The following DMD variants were observed in gnomAD, a reference collection of about 807,000 sequenced individuals.
The protein encoded by DMD is dystrophin, also known as mutant dystrophin.
DMD carries 63 observed loss-of-function variants against 330.1 expected under a neutral mutation model. The observed-to-expected ratio is 0.19, with a 90% CI of 0.16 to 0.24. The LOEUF (loss-of-function observed/expected upper bound fraction) is 0.24. DMD is among the 10% of genes least tolerant of loss of function. DMD has a pLI of 1.00. For synonymous variants in DMD, 1,223 were observed against 959.8 expected (o/e 1.27, Z -5.07); for missense variants, 3,344 against 2,684.1 (o/e 1.25, Z -5.43).
chrX:31,600,738 C>A (rs1043412618), intron 55 of DMD, among the ~76,000 whole-genome samples: 8 of 108,204 alleles, frequency 7.4e-5, no homozygotes, highest in African/African-American at 2.7e-4. Flanking sequence ...AGTATCATTT[C>A]GAGGCAAATT....
intron 1 of DMD, among the ~76,000 whole-genome samples, chrX:33,143,746 C>A (rs762591594): frequency 9.0e-6 from 1 of 111,595 alleles, no homozygotes; most frequent in East Asian, 2.8e-4. Context: ...GAAAATTAAC[C>A]GAATGATATT....
chrX:32,685,379 T>C (rs928704729), intron 9 of DMD, among the ~76,000 whole-genome samples: 5 of 111,800 alleles, frequency 4.5e-5, no homozygotes, highest in African/African-American at 1.3e-4. Context: ...AAGCAGATAA[T>C]TGCCACTGGA....
At chrX:31,834,574 G>C (rs2093151123) in intron 49 of DMD, among the ~76,000 whole-genome samples, 1 of 111,330 alleles carries the variant, frequency 9.0e-6, no homozygotes, top group Non-Finnish European at 1.9e-5. Context: ...CAAGTAGCTG[G>C]GATTACAGGC....
At chrX:32,149,625 G>A (rs956058066) in intron 44 of DMD, among the ~76,000 whole-genome samples, 1 of 111,762 alleles carries the variant, frequency 8.9e-6, no homozygotes, top group African/African-American at 3.3e-5. Flanking sequence ...AGAATGTGTT[G>A]TAATGGAGTC....
chrX:33,253,561 G>A (rs1475979388), intron 1 of DMD, among the ~76,000 whole-genome samples: 1 of 111,410 alleles, frequency 9.0e-6, no homozygotes, highest in Non-Finnish European at 1.9e-5. Context: ...TGTAGACTGT[G>A]GAGATATTGA....
intron 45 of DMD, 54 bp from the exon 46 acceptor site, chrX:31,932,281 T>C: frequency 1.0e-6 from 1 of 964,561 alleles, no homozygotes; most frequent in South Asian, 2.1e-5. Context: ...GTTCTCAAAC[T>C]ATTTGTTAAT....
In DMD at chrX:32,820,907, A is replaced by T. The variant is rs148938453; in HGVS notation, c.357+2388T>A. Among the ~76,000 whole-genome samples, 658 of 111,676 alleles carry T rather than the reference A, an allele frequency of 5.9e-3. 6 individuals carry two copies. The highest frequency in any genetic ancestry group is 0.02 in the African/African-American group (608 of 30,750). On this transcript the variant is annotated intron_variant, in intron 5 of 78. Transcript: ENST00000357033. ...TTGGTTTTATTCTATCTTACATACA[A>T]TGGATTAGGGGAAAAGTGTTCCTTC...
At chrX:31,405,040 C>T (rs1442706925) in intron 60 of DMD, among the ~76,000 whole-genome samples, 1 of 111,664 alleles carries the variant, frequency 9.0e-6, no homozygotes, top group African/African-American at 3.2e-5. Context: ...GCTGAAGACT[C>T]TCGGCACTAT....
intron 53 of DMD, among the ~76,000 whole-genome samples, chrX:31,674,793 A>G (rs765236490): frequency 7.1e-5 from 8 of 112,674 alleles, no homozygotes; most frequent in Admixed American, 6.6e-4. Context: ...CCAATCTTAA[A>G]AGCCTAGGGA....
At chrX:32,007,214 T>TATAATAATA (rs200080398) in intron 44 of DMD, among the ~76,000 whole-genome samples, 59 of 94,440 alleles carry the variant, frequency 6.2e-4, no homozygotes, top group African/African-American at 1.8e-3. Context: ...AAACTTAAAG[T>TATAATAATA]ATAATAATAA....
chrX:32,946,144 G>A (rs2146872683), intron 2 of DMD, among the ~76,000 whole-genome samples: 1 of 111,122 alleles, frequency 9.0e-6, no homozygotes, highest in Admixed American at 9.6e-5. Flanking sequence ...CTTTTTAAAG[G>A]TTTCTTACAG....
intron 74 of DMD, among the ~76,000 whole-genome samples, chrX:31,164,305 C>T (rs1184637225): frequency 3.6e-5 from 4 of 111,036 alleles, no homozygotes. Context: ...CTCAGACTGT[C>T]AGACATTTAC....
chrX:33,068,453 T>C (rs1385302986), intron 1 of DMD, among the ~76,000 whole-genome samples: 1 of 112,532 alleles, frequency 8.9e-6, no homozygotes, highest in African/African-American at 3.2e-5. Flanking sequence ...GAATCATTTT[T>C]ATATAGGTAA....
chrX:32,908,593 A>T (rs1346028870), intron 2 of DMD, among the ~76,000 whole-genome samples: 2 of 111,916 alleles, frequency 1.8e-5, no homozygotes, highest in Non-Finnish European at 3.8e-5. Flanking sequence ...ATGAGACTTT[A>T]GATCTAAGCA....
intron 60 of DMD, among the ~76,000 whole-genome samples, chrX:31,371,642 G>A (rs182300463): frequency 7.5e-4 from 83 of 111,195 alleles, no homozygotes; most frequent in African/African-American, 2.4e-3. Flanking sequence ...TGGATTGAGG[G>A]AATCCTTCCA....
intron 62 of DMD, among the ~76,000 whole-genome samples, chrX:31,300,533 C>G (rs781071951): frequency 2.8e-4 from 31 of 111,916 alleles, no homozygotes; most frequent in Non-Finnish European, 5.8e-4. Flanking sequence ...CAGCTGACAT[C>G]TGCCGTCAAA....
chrX:31,537,829 G>A (rs1450562732), intron 55 of DMD, among the ~76,000 whole-genome samples: 1 of 111,950 alleles, frequency 8.9e-6, no homozygotes, highest in Admixed American at 9.5e-5. Context: ...TACACCCGTA[G>A]CACTATCATA....
rs912676868 is a variant in DMD at position 31,815,766 on chromosome X, C to G, written c.7309+4209G>C. 4.5e-5 allele frequency among the ~76,000 whole-genome samples: 5 copies of G among 111,521 alleles called. No individual in the cohort carries two copies. In the Admixed American group the frequency reaches 4.8e-4, roughly 11 times the overall value. On this transcript the variant is annotated intron_variant, in intron 50 of 78. Coordinates refer to ENST00000357033, the MANE Select transcript of DMD (RefSeq NM_004006.3). ...AATTTCCTCATCTCTTGAATCTGGGCTGATCTTTTGAGGTGCTTTGACCAA... is the reference window on the plus strand; with the variant it reads ...AATTTCCTCATCTCTTGAATCTGGGGTGATCTTTTGAGGTGCTTTGACCAA...
At chrX:32,831,980 G>A (rs2079190829) in intron 4 of DMD, among the ~76,000 whole-genome samples, 1 of 110,542 alleles carries the variant, frequency 9.0e-6, no homozygotes, top group African/African-American at 3.3e-5. Context: ...AGGCTCTAAT[G>A]AAAACACGTC....
Sources: allele counts gnomAD v4.1 joint callset (sites outside exome capture counted in the v4.1 genomes callset), GRCh38; gene constraint gnomAD v4.1.1; transcripts MANE v1.5; gene names NCBI Gene and HGNC (gene_info 2026-07-23, HGNC 2026-07-21).